S100Z: variants seen among roughly 807,000 people sequenced by gnomAD.
S100Z encodes the protein S100 calcium binding protein Z.
S100Z carries 11 observed loss-of-function variants against 8.5 expected under a neutral mutation model. The ratio of observed to expected loss-of-function variants is 1.30; its 90% CI spans 0.82 to 2.15. S100Z has a LOEUF of 2.15. S100Z is among the 30% of genes most tolerant of loss of function. The pLI is 0.00. For synonymous variants in S100Z, 34 were observed against 43.8 expected (o/e 0.78, Z 0.89); for missense variants, 126 against 117.9 (o/e 1.07, Z -0.32).
chr5:76,875,064 T>G (rs1458033293), intron 2 of S100Z, among the ~76,000 whole-genome samples: 1 of 152,112 alleles, frequency 6.6e-6, no homozygotes, highest in Non-Finnish European at 1.5e-5. Context: ...AATTTTTTTT[T>G]GTATTTTTAG....
intron 1 of S100Z, among the ~76,000 whole-genome samples, chr5:76,858,022 A>G (rs1385811700): frequency 6.6e-6 from 1 of 152,250 alleles, no homozygotes; most frequent in African/African-American, 2.4e-5. Flanking sequence ...TACTTGCTAA[A>G]AGATGGGACT....
the S100Z span, among the ~76,000 whole-genome samples, chr5:76,948,333 A>ATAAATAAG: frequency 6.6e-6 from 1 of 152,002 alleles, no homozygotes; most frequent in South Asian, 2.1e-4. Context: ...CTCTAAATAA[A>ATAAATAAG]TAAATAAATA....
intron 1 of S100Z, among the ~76,000 whole-genome samples, chr5:76,861,348 T>A (rs1751050529): frequency 6.6e-6 from 1 of 152,138 alleles, no homozygotes; most frequent in East Asian, 1.9e-4. Context: ...CCAGGATTTT[T>A]TTTTTTTTTG....
At chr5:76,896,331 C>A (rs1305688645) in intron 4 of S100Z, among the ~76,000 whole-genome samples, 2 of 152,156 alleles carry the variant, frequency 1.3e-5, no homozygotes, top group African/African-American at 4.8e-5. Flanking sequence ...ACATAATGAT[C>A]TTCAGTTCCA....
chr5:76,938,904 A>T, the S100Z span, among the ~76,000 whole-genome samples: 1 of 152,200 alleles, frequency 6.6e-6, no homozygotes, highest in Non-Finnish European at 1.5e-5. Context: ...AAATTTTGAA[A>T]TATGCATCCC....
intron 4 of S100Z, among the ~76,000 whole-genome samples, chr5:76,920,470 A>G (rs1431060543): frequency 1.3e-5 from 2 of 152,192 alleles, no homozygotes; most frequent in Admixed American, 6.5e-5. Flanking sequence ...AATGGTATAC[A>G]CAATGCTTCG....
chr5:76,910,921 CT>C (rs1213199170), intron 4 of S100Z, among the ~76,000 whole-genome samples: 1 of 152,214 alleles, frequency 6.6e-6, no homozygotes, highest in Non-Finnish European at 1.5e-5. Context: ...AGACTTTGCT[CT>C]TTTCACATGC....
intron 4 of S100Z, among the ~76,000 whole-genome samples, chr5:76,899,387 T>A (rs1169793342): frequency 2.7e-5 from 4 of 150,834 alleles, no homozygotes; most frequent in African/African-American, 9.8e-5. Flanking sequence ...ACCATTTTGC[T>A]ATTTTTTTTT....
intron 1 of S100Z, among the ~76,000 whole-genome samples, chr5:76,856,431 C>T (rs1750883920): frequency 6.6e-6 from 1 of 152,184 alleles, no homozygotes; most frequent in Admixed American, 6.5e-5. Flanking sequence ...AACTCCTGAC[C>T]TCAGGCGATC....
chr5:76,893,723 G>C (rs1295811540), intron 4 of S100Z, among the ~76,000 whole-genome samples: 1 of 152,154 alleles, frequency 6.6e-6, no homozygotes, highest in Non-Finnish European at 1.5e-5. Flanking sequence ...ATTCCCTTGA[G>C]CACTAGGAGA....
rs373496970 is a variant in S100Z, at chr5:76,886,495, G to A, written c.*2+8661G>A. Among the ~76,000 whole-genome samples, 45 of 152,304 alleles carry A rather than the reference G, an allele frequency of 3.0e-4. 1 individual carries two copies. Among genetic ancestry groups the A allele is most frequent in the Admixed American group, 1.6e-3 (24 of 15,304 alleles). ...CTTGGGCTGGTTGGTCTGAGGACCC[G>A]AGGTCGTAGGTGGATCTCTTCATGG... On this transcript the variant is annotated intron_variant, in intron 4 of 4. Transcript: ENST00000317593.
At chr5:76,922,026 G>A (rs1745057701), downstream of S100Z, among the ~76,000 whole-genome samples, 1 of 151,562 alleles carries the variant, frequency 6.6e-6, no homozygotes, top group Non-Finnish European at 1.5e-5. Flanking sequence ...CAAATCCTAG[G>A]TACCATTTCA....
chr5:76,913,828 T>G (rs1744757085), intron 4 of S100Z, among the ~76,000 whole-genome samples: 1 of 152,174 alleles, frequency 6.6e-6, no homozygotes, highest in South Asian at 2.1e-4. Context: ...TTAGGGATAG[T>G]ACGAGATGCT....
At chr5:76,854,002 T>C (rs1750806628) in intron 1 of S100Z, among the ~76,000 whole-genome samples, 2 of 152,124 alleles carry the variant, frequency 1.3e-5, no homozygotes, top group South Asian at 4.1e-4. Flanking sequence ...ATGTAAGATG[T>C]GCCTGCTTCC....
At chr5:76,925,892 A>G (rs543756560), downstream of S100Z, among the ~76,000 whole-genome samples, 1 of 152,300 alleles carries the variant, frequency 6.6e-6, no homozygotes, top group East Asian at 1.9e-4. Context: ...GCTTGAACCC[A>G]GGAGGTGCAG....
At chr5:76,894,421 CATATTTTGTTCAGAATAA>C (rs149869808) in intron 4 of S100Z, among the ~76,000 whole-genome samples, 2,222 of 152,240 alleles carry the variant, frequency 0.015, 64 homozygotes, top group East Asian at 0.12. Context: ...CATGGTCACT[CATATTTTGTTCAGAATAA>C]ATCTCTCCAA....
In S100Z at chr5:76,911,037, G is replaced by A. The variant is rs535992611; in HGVS notation, c.*3-9680G>A. Among the ~76,000 whole-genome samples the A allele has an allele frequency of 1.4e-4, 21 of 152,266 alleles. No homozygotes were observed. The Middle Eastern group carries it at 0.01, about 74-fold the overall frequency. On this transcript the variant is annotated intron_variant, in intron 4 of 4. Transcript: ENST00000317593. ...AATATGAGGAACAAGTTACCCATTT[G>A]TTGTCCTCTACTTGAGGAGGGAATC...
At chr5:76,898,333 G>A (rs1744109402) in intron 4 of S100Z, among the ~76,000 whole-genome samples, 1 of 151,930 alleles carries the variant, frequency 6.6e-6, no homozygotes, top group South Asian at 2.1e-4. Context: ...ATTTTTAGTA[G>A]AGACGGGGTT....
intron 4 of S100Z, among the ~76,000 whole-genome samples, chr5:76,901,886 C>A (rs1438993522): frequency 6.6e-6 from 1 of 150,868 alleles, no homozygotes; most frequent in Non-Finnish European, 1.5e-5. Flanking sequence ...GGTATCACTG[C>A]TGGTTATTCA....
Sources: gnomAD v4.1 joint callset for allele counts (sites outside exome capture counted in the v4.1 genomes callset) on GRCh38, gnomAD v4.1.1 for gene constraint, MANE v1.5 for transcripts, NCBI Gene and HGNC (gene_info 2026-07-23, HGNC 2026-07-21) for gene names.